Variants in NF1 observed in about 807,000 individuals in gnomAD.
NF1 encodes neurofibromin.
NF1 carries 122 observed loss-of-function variants against 325.7 expected under a neutral mutation model. The ratio of observed to expected loss-of-function variants is 0.37; its 90% CI spans 0.32 to 0.44. The LOEUF is 0.44. NF1 is among the 20% of genes least tolerant of loss of function. NF1 has a pLI of 1.00. For synonymous variants in NF1, 1,091 were observed against 1,186.0 expected (o/e 0.92, Z 1.65); for missense variants, 2,140 against 3,415.4 (o/e 0.63, Z 9.31).
At chr17:31,145,413 A>G (rs2143558768) in intron 1 of NF1, among the ~76,000 whole-genome samples, 1 of 152,128 alleles carries the variant, frequency 6.6e-6, no homozygotes, top group East Asian at 1.9e-4. Context: ...GCTGGTCTCA[A>G]ATTCCTGACC....
chr17:31,113,101 A>C (rs1225288589), intron 1 of NF1, among the ~76,000 whole-genome samples: 2 of 152,268 alleles, frequency 1.3e-5, no homozygotes, highest in African/African-American at 2.4e-5. Context: ...TTGGCTTGTC[A>C]ATTTCTATTA....
Position 31,360,473 on chromosome 17 carries a change from A to G in NF1, c.8161-14A>G, listed in dbSNP as rs2070372493. The G allele has an allele frequency of 1.2e-6, 2 of 1,610,276 alleles. No homozygotes were observed. The highest frequency in any genetic ancestry group is 8.5e-7 in the Non-Finnish European group (1 of 1,176,656). On this transcript the variant is annotated splice_polypyrimidine_tract_variant and intron_variant, in intron 56 of 57. Coordinates refer to ENST00000358273, the MANE Select transcript of NF1 (RefSeq NM_001042492.3). ...AAAAAAGGAACTAAAATAATTTCCT[A>G]TTTTCCATTACAGCAAACACAAATT...
At chr17:31,142,981 T>C (rs1380955614) in intron 1 of NF1, among the ~76,000 whole-genome samples, 1 of 152,168 alleles carries the variant, frequency 6.6e-6, no homozygotes, top group African/African-American at 2.4e-5. Context: ...TTCTTATTAA[T>C]AGGCAAGACA....
intron 1 of NF1, among the ~76,000 whole-genome samples, chr17:31,116,878 T>C (rs757814593): frequency 7.3e-5 from 11 of 151,344 alleles, no homozygotes; most frequent in Non-Finnish European, 1.5e-4. Flanking sequence ...AGGGTTTCGC[T>C]GTGTTAGCCA....
At chr17:31,247,094 G>A (rs2067405793) in intron 29 of NF1, among the ~76,000 whole-genome samples, 1 of 151,736 alleles carries the variant, frequency 6.6e-6, no homozygotes, top group Non-Finnish European at 1.5e-5. Flanking sequence ...TACTTGGGAG[G>A]CTGAGGCAGG....
chr17:31,283,480 G>T (rs1161552775), intron 36 of NF1, among the ~76,000 whole-genome samples: 2 of 150,836 alleles, frequency 1.3e-5, no homozygotes, highest in Non-Finnish European at 2.9e-5. Flanking sequence ...TTGGGACAGG[G>T]TCTCACTCTG....
At chr17:31,270,910 C>T (rs997994000) in intron 36 of NF1, among the ~76,000 whole-genome samples, 1 of 152,166 alleles carries the variant, frequency 6.6e-6, no homozygotes. Context: ...ATATCCCCAG[C>T]CCCCATTTCC....
intron 46 of NF1, 99 bp downstream of exon 46, chr17:31,338,904 A>G: frequency 7.3e-6 from 6 of 826,452 alleles, no homozygotes; most frequent in Non-Finnish European, 1.0e-5. Context: ...ATTGAGAATA[A>G]GTTATAAAGA....
chr17:31,158,946 ATG>A (rs1473275064), intron 2 of NF1, 62 bp from the exon 3 acceptor site: 1 of 925,902 alleles, frequency 1.1e-6, no homozygotes, highest in Non-Finnish European at 1.8e-6. Flanking sequence ...CACTTTTCAG[ATG>A]TGTGTTGATT....
intron 36 of NF1, among the ~76,000 whole-genome samples, chr17:31,269,297 C>T (rs867527761): frequency 6.6e-5 from 10 of 152,146 alleles, no homozygotes; most frequent in Admixed American, 5.9e-4. Context: ...ATGTACTTTT[C>T]TAATCTTTTC....
At chr17:31,155,466 T>C (rs1372984581) in intron 1 of NF1, among the ~76,000 whole-genome samples, 5 of 152,240 alleles carry the variant, frequency 3.3e-5, no homozygotes, top group African/African-American at 9.6e-5. Flanking sequence ...TTGTTCTTGC[T>C]TCTGAACAAT....
intron 1 of NF1, chr17:31,136,956 A>G (rs760250388): frequency 2.8e-4 from 43 of 152,130 alleles, no homozygotes; most frequent in Non-Finnish European, 5.7e-4. Flanking sequence ...TTCTTGAATG[A>G]TAGTTTTGCT....
intron 1 of NF1, among the ~76,000 whole-genome samples, chr17:31,121,213 A>G (rs1914399364): frequency 6.6e-6 from 1 of 152,202 alleles, no homozygotes; most frequent in Non-Finnish European, 1.5e-5. Context: ...GCCAAAGAAT[A>G]CCTAAAAATA....
At chr17:31,206,932 T>C (rs1431395439) in intron 12 of NF1, among the ~76,000 whole-genome samples, 1 of 152,220 alleles carries the variant, frequency 6.6e-6, no homozygotes, top group Non-Finnish European at 1.5e-5. Flanking sequence ...AAAGCAGACT[T>C]AAAATTGGGT....
chr17:31,335,296 A>ATATATATATATATATATATATATGTAGG (rs1440930498), intron 40 of NF1, among the ~76,000 whole-genome samples: 4 of 50,098 alleles, frequency 8.0e-5, no homozygotes, highest in Non-Finnish European at 3.2e-5. Flanking sequence ...ATATATATAT[A>ATATATATATATATATATATATATGTAGG]ATTATGCCTT....
chr17:31,287,621 A>G (rs1412119283), intron 36 of NF1, among the ~76,000 whole-genome samples: 1 of 151,160 alleles, frequency 6.6e-6, no homozygotes, highest in African/African-American at 2.5e-5. Flanking sequence ...GTGCAGTGGC[A>G]TGATCTCAGC....
chr17:31,172,351 GTCTC>G (rs968759244), intron 5 of NF1, among the ~76,000 whole-genome samples: 18 of 39,396 alleles, frequency 4.6e-4, no homozygotes, highest in Non-Finnish European at 1.4e-3. Context: ...CTGTCTCTCT[GTCTC>G]TCTCTCTCTC....
At position 31,374,081 on chromosome 17, in the gene NF1, G is replaced by A. The variant is rs778233452; in HGVS notation, c.8446G>A (p.Gly2816Arg). 5 of 1,613,966 alleles carry A rather than the reference G, an allele frequency of 3.1e-6. No homozygotes were observed. The East Asian group carries it at 6.7e-5, about 22-fold the overall frequency. Residue 2816 changes from glycine to arginine, a missense_variant, in exon 58 of 58, where the codon GGA becomes AGA. Coordinates refer to ENST00000358273, the MANE Select transcript of NF1 (RefSeq NM_001042492.3). ...GHCNSGRTRH[G>R]SASQVQKQRS... ...CTGTAACAGTGGACGAACTCGCCAC[G>A]GATCCGCAAGCCAAGTGCAGAAGCA...
intron 31 of NF1, among the ~76,000 whole-genome samples, chr17:31,256,954 A>G (rs1567861363): frequency 6.6e-6 from 1 of 152,172 alleles, no homozygotes; most frequent in Non-Finnish European, 1.5e-5. Flanking sequence ...GTTTTTACTA[A>G]CTTCCTGTTA....
Sources: allele counts gnomAD v4.1 joint callset (sites outside exome capture counted in the v4.1 genomes callset), GRCh38; gene constraint gnomAD v4.1.1; transcripts MANE v1.5; gene names NCBI Gene and HGNC (gene_info 2026-07-23, HGNC 2026-07-21).